PARG: variants seen among roughly 807,000 people sequenced by gnomAD.
PARG encodes mitochondrial poly(ADP-ribose) glycohydrolase.
PARG carries 35 observed loss-of-function variants against 113.0 expected under a neutral mutation model. The observed-to-expected ratio is 0.31, with a 90% CI of 0.24 to 0.41. PARG has a LOEUF of 0.41. Among genes scored for constraint, PARG ranks in the 10% least tolerant of loss-of-function variants. PARG has a pLI of 1.00. For synonymous variants in PARG, 330 were observed against 409.9 expected (o/e 0.81, Z 2.36); for missense variants, 797 against 1,169.4 (o/e 0.68, Z 4.64).
At chr10:49,931,964 T>C in intron 4 of PARG, 136 bp downstream of exon 4, 1 of 638,380 alleles carries the variant, frequency 1.6e-6, no homozygotes, top group Non-Finnish European at 2.8e-6. Context: ...TGCTCCATTC[T>C]GTAGAATTCT....
chr10:49,898,342 C>T lies in PARG; in HGVS notation c.1738-13047G>A, dbSNP rs1848195123. On this transcript the variant is annotated intron_variant, in intron 7 of 17. Coordinates refer to ENST00000616448, the MANE Select transcript of PARG (RefSeq NM_003631.5). ...CCTTCTTCTTTGATCACCCCCATAT[C>T]AATTAACTGCCAAGTCCTATATTGA... Among the ~76,000 whole-genome samples the T allele has an allele frequency of 2.0e-5, 3 of 151,946 alleles. No homozygotes were observed. In the South Asian group the frequency reaches 6.2e-4, roughly 32 times the overall value.
chr10:49,929,544 T>C (rs1838383203), intron 4 of PARG, among the ~76,000 whole-genome samples: 4 of 152,266 alleles, frequency 2.6e-5, no homozygotes, highest in African/African-American at 2.4e-5. Context: ...AATACAGTTT[T>C]TGGCTGGGCG....
At chr10:49,893,180 T>C (rs1369326790) in intron 7 of PARG, among the ~76,000 whole-genome samples, 3 of 152,076 alleles carry the variant, frequency 2.0e-5, no homozygotes, top group Non-Finnish European at 4.4e-5. Flanking sequence ...AACATTGTAG[T>C]ACATTTTAAA....
chr10:49,896,610 G>T (rs1848102882), intron 7 of PARG, among the ~76,000 whole-genome samples: 1 of 152,008 alleles, frequency 6.6e-6, no homozygotes, highest in South Asian at 2.1e-4. Flanking sequence ...ACTCTGAATG[G>T]TTACTAAATT....
intron 13 of PARG, among the ~76,000 whole-genome samples, chr10:49,856,473 C>T (rs1554835068): frequency 6.6e-6 from 1 of 152,208 alleles, no homozygotes; most frequent in Non-Finnish European, 1.5e-5. Context: ...AACTATCGCG[C>T]CTGGCCATGA....
chr10:49,850,074 T>C (rs1554833939), intron 13 of PARG, among the ~76,000 whole-genome samples: 1 of 144,940 alleles, frequency 6.9e-6, no homozygotes, highest in East Asian at 2.0e-4. Flanking sequence ...TGCAAGAATA[T>C]AAAAGCAGTT....
At chr10:49,827,841 T>C (rs1588864409) in intron 16 of PARG, among the ~76,000 whole-genome samples, 1 of 152,060 alleles carries the variant, frequency 6.6e-6, no homozygotes, top group African/African-American at 2.4e-5. Context: ...TCTGCAATAA[T>C]TGACTATGTT....
Position 49,879,738 on chromosome 10 carries a change from T to C in PARG, c.1923A>G (p.Thr641=), listed in dbSNP as rs2132624397. Residue 641 remains threonine, a synonymous_variant, in exon 9 of 18, where the codon ACA becomes ACG. Transcript: ENST00000616448. ...ASLLANAFFC[T]FPRRNAKMKS... ...TCATCTTAGCATTTCGTCGTGGAAA[T>C]GTGCAGAAGAAAGCATTAGCTAAAA... 7.0e-6 allele frequency: 11 copies of C among 1,578,522 alleles called. No individual in the cohort carries two copies. Among genetic ancestry groups the C allele is most frequent in the East Asian group, 4.5e-5 (2 of 44,022 alleles).
intron 6 of PARG, among the ~76,000 whole-genome samples, chr10:49,921,915 A>G (rs1174319140): frequency 3.9e-5 from 6 of 152,216 alleles, no homozygotes; most frequent in African/African-American, 1.4e-4. Context: ...TAAGGGCAAT[A>G]AAAACCAGAA....
In PARG at chr10:49,941,693, G is replaced by C. The variant is rs1272915827; in HGVS notation, c.33C>G (p.Thr11=). The change falls in exon 1 of 18, where the codon ACC becomes ACG. Residue 11 remains threonine, a synonymous_variant. Coordinates refer to ENST00000616448, the MANE Select transcript of PARG (RefSeq NM_003631.5). The stretch of plus-strand genomic sequence containing the variant: ...TAGCGGCGCCCCAGCGGGGTCGCTT[G>C]GTGCAGGGTTCACAGCCGGGGCCCG... MNAGPGCEPC[T]KRPRWGAATT... is the part of the protein sequence containing the mutation. The C allele has an allele frequency of 4.4e-6, 7 of 1,589,550 alleles. No individual in the cohort carries two copies. The highest frequency in any genetic ancestry group is 6.0e-6 in the Non-Finnish European group (7 of 1,169,772).
chr10:49,900,481 T>A (rs1248211063), intron 7 of PARG, among the ~76,000 whole-genome samples: 1 of 151,808 alleles, frequency 6.6e-6, no homozygotes, highest in Non-Finnish European at 1.5e-5. Flanking sequence ...ACAGTCACAC[T>A]ATTTTCCTAC....
intron 15 of PARG, among the ~76,000 whole-genome samples, chr10:49,840,401 A>C (rs1588883559): frequency 6.6e-6 from 1 of 151,920 alleles, no homozygotes; most frequent in South Asian, 2.1e-4. Flanking sequence ...AAAAAAAAAA[A>C]AACAAAAAAC....
intron 7 of PARG, among the ~76,000 whole-genome samples, chr10:49,895,305 G>A (rs1156308794): frequency 5.9e-5 from 9 of 151,918 alleles, no homozygotes; most frequent in Non-Finnish European, 1.2e-4. Context: ...TGTAAATAAG[G>A]GTCCTTTGTG....
In PARG at chr10:49,819,353, C is replaced by T. The variant is rs1255805163; in HGVS notation, c.2918G>A (p.Arg973Lys). 2 of 1,551,310 alleles carry T rather than the reference C, an allele frequency of 1.3e-6. No homozygotes were observed. Among genetic ancestry groups the T allele is most frequent in the Non-Finnish European group, 1.7e-6 (2 of 1,146,860 alleles). ...TCGCTCGGCTCCTCAGGTCCCTGTC[C>T]TTTGCCCTGAATGGTCAGCGGTCTC... ...CAETADHSGQ[R>K]TGT Residue 973 changes from arginine to lysine, a missense_variant, in exon 18 of 18, where the codon AGG becomes AAG. Around this residue, in one of 5 missense-constraint regions of PARG, gnomAD observed 194 missense variants for 247.1 expected, o/e 0.79. Transcript: ENST00000616448.
intron 7 of PARG, among the ~76,000 whole-genome samples, chr10:49,893,246 A>C (rs1178324004): frequency 6.6e-6 from 1 of 152,092 alleles, no homozygotes; most frequent in African/African-American, 2.4e-5. Flanking sequence ...CCTACATTTG[A>C]TCTTTTAGTC....
At chr10:49,821,787 A>G (rs1844098003) in intron 16 of PARG, among the ~76,000 whole-genome samples, 1 of 152,226 alleles carries the variant, frequency 6.6e-6, no homozygotes, top group African/African-American at 2.4e-5. Flanking sequence ...GAAACCTACA[A>G]TTGAAGGTAA....
At chr10:49,931,693 CAAAAAAA>C (rs1191457420) in intron 4 of PARG, among the ~76,000 whole-genome samples, 1 of 71,766 alleles carries the variant, frequency 1.4e-5, no homozygotes, top group Non-Finnish European at 2.7e-5. Context: ...TGGTCTCCAG[CAAAAAAA>C]AAAAAAAAAA....
intron 7 of PARG, among the ~76,000 whole-genome samples, chr10:49,913,480 A>ACAG: frequency 6.6e-6 from 1 of 152,390 alleles, no homozygotes; most frequent in Non-Finnish European, 1.5e-5. Context: ...TTTTAAACAT[A>ACAG]CATTTATGTC....
At position 49,879,832 on chromosome 10, in the gene PARG, T is replaced by C. The variant is rs781939447; in HGVS notation, c.1831-2A>G. On this transcript the variant is annotated splice_acceptor_variant, in intron 8 of 17. Coordinates refer to ENST00000616448, the MANE Select transcript of PARG (RefSeq NM_003631.5). LOFTEE classifies it high-confidence loss of function. Reference sequence around the variant, plus strand: ...CTTCTGTTTCAGGAGTGGTATTGGCTGATAAAAGAAACAAAAAAATACAGA... The same window carrying C: ...CTTCTGTTTCAGGAGTGGTATTGGCCGATAAAAGAAACAAAAAAATACAGA... 1.8e-6 allele frequency: 2 copies of C among 1,104,820 alleles called. No individual in the cohort carries two copies. The highest frequency in any genetic ancestry group is 2.7e-6 in the Non-Finnish European group (2 of 740,070). 68.4% of individuals were successfully genotyped at this position (1,104,820 alleles called of 1,614,324 possible).
Sources: allele counts gnomAD v4.1 joint callset (sites outside exome capture counted in the v4.1 genomes callset), GRCh38; gene constraint gnomAD v4.1.1; regional missense constraint gnomAD v4.1.1; transcripts MANE v1.5; gene names NCBI Gene and HGNC (gene_info 2026-07-23, HGNC 2026-07-21).